Variants in GRIK4 observed in about 807,000 individuals in gnomAD.
GRIK4 encodes the protein glutamate ionotropic receptor kainate type subunit 4.
Under a neutral mutation model 104.9 loss-of-function variants are expected in GRIK4, and 40 were observed. The observed-to-expected ratio is 0.38, with a 90% confidence interval of 0.30 to 0.50. The LOEUF (loss-of-function observed/expected upper bound fraction) is 0.50. GRIK4 is among the 20% of genes least tolerant of loss of function. The pLI, the probability that GRIK4 is intolerant of heterozygous loss-of-function variation, is 0.93. For missense variants in GRIK4, 1,047 were observed against 1,308.1 expected, an observed-to-expected ratio of 0.80 and a Z score of 3.08; for synonymous variants, 485 against 524.9, an observed-to-expected ratio of 0.92 and a Z score of 1.04.
intron 1 of GRIK4, among the ~76,000 whole-genome samples, chr11:120,612,201 C>A (rs955103969): frequency 1.3e-5 from 2 of 152,170 alleles, no homozygotes; most frequent in Non-Finnish European, 2.9e-5. Flanking sequence ...TGGGACAACT[C>A]GTCCGCCCGT....
chr11:120,924,491 T>C (rs755159362), intron 13 of GRIK4, among the ~76,000 whole-genome samples: 1 of 152,124 alleles, frequency 6.6e-6, no homozygotes, highest in Non-Finnish European at 1.5e-5. Context: ...TAATGAATGA[T>C]CACAAAGAGG....
At chr11:120,937,548 C>T (rs1002817758) in intron 13 of GRIK4, among the ~76,000 whole-genome samples, 1 of 152,186 alleles carries the variant, frequency 6.6e-6, no homozygotes, top group African/African-American at 2.4e-5. Flanking sequence ...GTCTCCTTCC[C>T]TGCCTCCCTT....
Position 120,962,675 on chromosome 11 carries a change from C to G in GRIK4, c.2260C>G (p.Pro754Ala). Residue 754 changes from proline to alanine, a missense_variant, in exon 18 of 21, where the codon CCA becomes GCA. Transcript: ENST00000527524. ...LDTKGYGIGMPVGSVFRDEFD... is the reference protein window; with the variant it reads ...LDTKGYGIGMAVGSVFRDEFD... The stretch of plus-strand genomic sequence containing the variant: ...CACCAAGGGCTATGGGATTGGCATG[C>G]CAGTCGGTATGCGGGAGAGGAACAG... The G allele has an allele frequency of 6.2e-7, 1 of 1,611,316 alleles. No individual in the cohort carries two copies. Among genetic ancestry groups the G allele is most frequent in the Non-Finnish European group, 8.5e-7 (1 of 1,177,508 alleles).
At chr11:120,528,122 C>T (rs1212545103) in intron 1 of GRIK4, among the ~76,000 whole-genome samples, 1 of 152,106 alleles carries the variant, frequency 6.6e-6, no homozygotes, top group African/African-American at 2.4e-5. Flanking sequence ...GGCCACAATG[C>T]TCAGCTATTT....
intron 1 of GRIK4, among the ~76,000 whole-genome samples, chr11:120,615,976 C>T (rs1277771084): frequency 6.6e-6 from 1 of 151,992 alleles, no homozygotes; most frequent in Non-Finnish European, 1.5e-5. Flanking sequence ...ACAAAGAGGG[C>T]AGAGGGTTAC....
intron 12 of GRIK4, among the ~76,000 whole-genome samples, chr11:120,904,819 C>T (rs1445236076): frequency 6.6e-6 from 1 of 152,168 alleles, no homozygotes; most frequent in Non-Finnish European, 1.5e-5. Flanking sequence ...AGCTTGGAGC[C>T]TTCTCTGGAC....
Position 120,940,449 on chromosome 11 carries a change from C to T in GRIK4, c.1579C>T (p.Arg527Cys), listed in dbSNP as rs374534079. 8.2e-6 allele frequency: 13 copies of T among 1,583,984 alleles called. No individual in the cohort carries two copies. Among genetic ancestry groups the T allele is most frequent in the African/African-American group, 2.7e-5 (2 of 74,226 alleles). Residue 527 changes from arginine to cysteine, a missense_variant, in exon 14 of 21, where the codon CGC becomes TGC. By Grantham distance (180) the Arg-to-Cys change is radical (BLOSUM62 -3). Around this residue, in one of 3 missense-constraint regions of GRIK4, gnomAD observed 440 missense variants for 652.3 expected, o/e 0.67. Coordinates refer to ENST00000527524, the MANE Select transcript of GRIK4 (RefSeq NM_014619.5). This position sits in a 1 kb window ranked among gnomAD's most constrained non-coding sequence, Gnocchi z 4.3. ...FMTLGISILYRVHMGRKPGYF... is the reference protein window; with the variant it reads ...FMTLGISILYCVHMGRKPGYF... ...GACTCTGGGAATTAGCATTCTTTAC[C>T]GCGTTCATATGGTAAGAGACTTATT...
chr11:120,734,205 T>G (rs1168561875), intron 3 of GRIK4, among the ~76,000 whole-genome samples: 1 of 10,398 alleles, frequency 9.6e-5, no homozygotes, highest in Admixed American at 8.1e-4. Flanking sequence ...ACCTTTAGCA[T>G]TTTTTTGTAG....
chr11:120,868,552 T>A (rs1469056899), intron 9 of GRIK4: 1 of 151,114 alleles, frequency 6.6e-6, no homozygotes, highest in South Asian at 2.1e-4. Context: ...CGGTGCCTCC[T>A]TCCCCTGATG....
intron 1 of GRIK4, among the ~76,000 whole-genome samples, chr11:120,622,002 G>C (rs1209212947): frequency 2.6e-5 from 4 of 152,074 alleles, no homozygotes; most frequent in Non-Finnish European, 5.9e-5. Context: ...CTGGGTTCAA[G>C]CGATTCTCCT....
intron 1 of GRIK4, among the ~76,000 whole-genome samples, chr11:120,615,381 TC>T: frequency 6.6e-6 from 1 of 152,322 alleles, no homozygotes; most frequent in African/African-American, 2.4e-5. Flanking sequence ...AAAATAAGAT[TC>T]AATCCAACTA....
intron 3 of GRIK4, among the ~76,000 whole-genome samples, chr11:120,678,414 A>G (rs969964456): frequency 3.9e-5 from 6 of 152,206 alleles, no homozygotes; most frequent in Admixed American, 3.9e-4. Context: ...TTAGATTCCA[A>G]ATGATGTTTA....
chr11:120,957,628 GCC>G, intron 16 of GRIK4, among the ~76,000 whole-genome samples: 1 of 24,062 alleles, frequency 4.2e-5, no homozygotes, highest in African/African-American at 4.3e-4. Context: ...TGTGTGTGTA[GCC>G]TAGAGAGGCA....
chr11:120,737,578 G>T (rs988191821), intron 3 of GRIK4, among the ~76,000 whole-genome samples: 2 of 152,118 alleles, frequency 1.3e-5, no homozygotes, highest in Non-Finnish European at 2.9e-5. Context: ...CAAATAAATT[G>T]TAAGGAAAGG....
intron 3 of GRIK4, among the ~76,000 whole-genome samples, chr11:120,781,489 C>A (rs537911496): frequency 1.3e-5 from 2 of 152,192 alleles, no homozygotes; most frequent in South Asian, 4.2e-4. Context: ...TTGCTGGGAC[C>A]ACAGGCAAGT....
chr11:120,710,643 A>G (rs902981081), intron 3 of GRIK4, among the ~76,000 whole-genome samples: 3 of 152,112 alleles, frequency 2.0e-5, no homozygotes, highest in Non-Finnish European at 4.4e-5. Flanking sequence ...CAGGGGTCAA[A>G]GGCGATCCCT....
chr11:120,897,851 G>A (rs2134477845), intron 11 of GRIK4, among the ~76,000 whole-genome samples: 1 of 151,924 alleles, frequency 6.6e-6, no homozygotes, highest in South Asian at 2.1e-4. Context: ...CTTTTCTAAG[G>A]TTTCACTGTT....
chr11:120,550,386 G>A (rs921676672), intron 1 of GRIK4, among the ~76,000 whole-genome samples: 1 of 151,806 alleles, frequency 6.6e-6, no homozygotes, highest in African/African-American at 2.4e-5. Context: ...TCTCCTTTGA[G>A]CCGATGCTGA....
chr11:120,717,620 G>A (rs1031120100), intron 3 of GRIK4, among the ~76,000 whole-genome samples: 1 of 152,064 alleles, frequency 6.6e-6, no homozygotes, highest in Non-Finnish European at 1.5e-5. Flanking sequence ...TGACCTCTTT[G>A]GTCCTCATTT....
Sources: allele counts gnomAD v4.1 joint callset (sites outside exome capture counted in the v4.1 genomes callset), GRCh38; gene constraint gnomAD v4.1.1; regional missense constraint gnomAD v4.1.1; non-coding constraint Gnocchi (gnomAD v3.1); transcripts MANE v1.5; gene names NCBI Gene and HGNC (gene_info 2026-07-23, HGNC 2026-07-21).